PTPRD: variants seen among roughly 807,000 people sequenced by gnomAD.
PTPRD encodes protein tyrosine phosphatase receptor type D.
PTPRD carries 34 observed loss-of-function variants against 214.5 expected under a neutral mutation model. The ratio of observed to expected loss-of-function variants is 0.16; its 90% CI spans 0.12 to 0.21. The LOEUF is 0.21. PTPRD is among the 10% of genes least tolerant of loss of function. PTPRD has a pLI of 1.00. For synonymous variants in PTPRD, 1,128 were observed against 845.7 expected (o/e 1.33, Z -5.79); for missense variants, 2,545 against 2,398.7 (o/e 1.06, Z -1.27).
chr9:9,134,143 G>A (rs938907716), intron 10 of PTPRD, among the ~76,000 whole-genome samples: 1 of 139,720 alleles, frequency 7.2e-6, no homozygotes, highest in Non-Finnish European at 1.5e-5. Context: ...CGCAATCTCG[G>A]CTCACTGCAA....
chr9:10,420,263 T>G (rs1193101602), intron 2 of PTPRD, among the ~76,000 whole-genome samples: 1 of 151,878 alleles, frequency 6.6e-6, no homozygotes, highest in Non-Finnish European at 1.5e-5. Context: ...ACTCTGAGAA[T>G]TTATTCCCTC....
At chr9:10,153,710 G>T (rs1018093459) in intron 3 of PTPRD, among the ~76,000 whole-genome samples, 66 of 152,018 alleles carry the variant, frequency 4.3e-4, no homozygotes, top group African/African-American at 1.6e-3. Flanking sequence ...CCTCTGGGAG[G>T]TAACAGTGTC....
Position 9,470,660 on chromosome 9 carries a change from C to G in PTPRD, c.-236-73178G>C, listed in dbSNP as rs910720300. ...GACTGAAGTATATGGTACCAAACTT[C>G]CAATTCAAGTGAAGAAATCTACATT... On this transcript the variant is annotated intron_variant, in intron 8 of 45. Transcript: ENST00000381196. 2.6e-5 allele frequency among the ~76,000 whole-genome samples: 4 copies of G among 152,096 alleles called. No homozygotes were observed. The South Asian group carries it at 8.3e-4, about 32-fold the overall frequency.
chr9:8,370,848 T>G (rs1222079394), intron 39 of PTPRD, among the ~76,000 whole-genome samples: 1 of 152,070 alleles, frequency 6.6e-6, no homozygotes, highest in East Asian at 1.9e-4. Flanking sequence ...TTGCCACCAC[T>G]AGTAGTATGA....
At chr9:10,479,157 G>A (rs759998610) in intron 2 of PTPRD, among the ~76,000 whole-genome samples, 1 of 152,044 alleles carries the variant, frequency 6.6e-6, no homozygotes. Context: ...TTCTATACTC[G>A]TATAATTCTC....
At chr9:10,075,508 T>G (rs1441614373) in intron 3 of PTPRD, among the ~76,000 whole-genome samples, 4 of 151,962 alleles carry the variant, frequency 2.6e-5, no homozygotes, top group African/African-American at 9.7e-5. Context: ...ATAAATAATA[T>G]TTTATATTAA....
rs115552424 is a variant in PTPRD at position 8,316,293 on chromosome 9, C to T, written c.*1581G>A. 3,315 of 230,184 alleles carry T rather than the reference C, an allele frequency of 0.014. 94 individuals are homozygous for T. The highest frequency in any genetic ancestry group is 0.068 in the African/African-American group (3,052 of 45,168). 14.3% of individuals were successfully genotyped at this position (230,184 alleles called of 1,614,324 possible). ...CAGATACGAACAGTGAATGGAAATA[C>T]GAACCAAAAGCTAAAAAGAAATGCT... On this transcript the variant is annotated 3_prime_UTR_variant, in exon 46 of 46. Coordinates refer to ENST00000381196, the MANE Select transcript of PTPRD (RefSeq NM_002839.4).
At chr9:9,788,666 A>G (rs1347669594) in intron 5 of PTPRD, among the ~76,000 whole-genome samples, 1 of 152,146 alleles carries the variant, frequency 6.6e-6, no homozygotes, top group African/African-American at 2.4e-5. Context: ...CTGATACAAA[A>G]GAAAAAAATG....
intron 11 of PTPRD, among the ~76,000 whole-genome samples, chr9:8,928,542 G>A (rs536524353): frequency 4.8e-4 from 72 of 151,146 alleles, no homozygotes; most frequent in Admixed American, 3.0e-3. Context: ...TGAGGCCTCT[G>A]TTCTGGTCCG....
intron 3 of PTPRD, among the ~76,000 whole-genome samples, chr9:10,168,900 C>T (rs539876133): frequency 6.6e-6 from 1 of 152,106 alleles, no homozygotes; most frequent in Non-Finnish European, 1.5e-5. Context: ...GTAGGGCAAA[C>T]AGAATTTAAT....
At chr9:8,373,868 A>ATGTG (rs1564368154) in intron 39 of PTPRD, among the ~76,000 whole-genome samples, 9 of 78,664 alleles carry the variant, frequency 1.1e-4, no homozygotes, top group South Asian at 3.5e-4. Flanking sequence ...CTGTCTGTCT[A>ATGTG]TCTATCTATC....
chr9:10,314,020 C>G (rs1259143619), intron 3 of PTPRD, among the ~76,000 whole-genome samples: 3 of 151,838 alleles, frequency 2.0e-5, no homozygotes, highest in Admixed American at 2.0e-4. Flanking sequence ...CGTGATGATA[C>G]AGGAGTGGTA....
rs1455292879 is a variant in PTPRD at position 9,244,152 on chromosome 9, G to C, written c.-202-60789C>G. On this transcript the variant is annotated intron_variant, in intron 9 of 45. Transcript: ENST00000381196. The stretch of plus-strand genomic sequence containing the variant: ...AAATAAAAGAGGATACAAACAAATG[G>C]AAGAACATTCCATGCTCATGGATAG... Among the ~76,000 whole-genome samples the C allele has an allele frequency of 9.2e-5, 14 of 152,206 alleles. 1 individual carries two copies. In the South Asian group the frequency reaches 1.2e-3, roughly 14 times the overall value.
At chr9:10,297,440 G>C (rs1222591804) in intron 3 of PTPRD, among the ~76,000 whole-genome samples, 1 of 151,898 alleles carries the variant, frequency 6.6e-6, no homozygotes, top group East Asian at 1.9e-4. Context: ...AAAAGCAGAG[G>C]TTAGGCAAAC....
chr9:8,651,777 T>C (rs1186452195), intron 12 of PTPRD, among the ~76,000 whole-genome samples: 1 of 152,206 alleles, frequency 6.6e-6, no homozygotes, highest in Non-Finnish European at 1.5e-5. Flanking sequence ...TTGTTACCTT[T>C]TTCCAAATGG....
intron 8 of PTPRD, among the ~76,000 whole-genome samples, chr9:9,412,743 AT>A (rs1398011979): frequency 6.6e-6 from 1 of 152,100 alleles, no homozygotes; most frequent in Non-Finnish European, 1.5e-5. Flanking sequence ...CTCATGCGCC[AT>A]CCCCCAAAAG....
At chr9:10,277,760 C>A (rs1312826277) in intron 3 of PTPRD, among the ~76,000 whole-genome samples, 1 of 152,002 alleles carries the variant, frequency 6.6e-6, no homozygotes, top group Non-Finnish European at 1.5e-5. Context: ...GTCAAAGAAT[C>A]ACCTACATAG....
chr9:10,118,228 C>A (rs914830358), intron 3 of PTPRD, among the ~76,000 whole-genome samples: 2 of 150,828 alleles, frequency 1.3e-5, no homozygotes, highest in African/African-American at 4.9e-5. Context: ...ATCTATCTAT[C>A]TATCTACATA....
intron 7 of PTPRD, among the ~76,000 whole-genome samples, chr9:9,643,865 G>A (rs1025578877): frequency 1.1e-4 from 17 of 152,080 alleles, no homozygotes; most frequent in Middle Eastern, 3.4e-3. Flanking sequence ...CTTTTATTTT[G>A]GAACTGATTT....
Sources: allele counts gnomAD v4.1 joint callset (sites outside exome capture counted in the v4.1 genomes callset), GRCh38; gene constraint gnomAD v4.1.1; transcripts MANE v1.5; gene names NCBI Gene and HGNC (gene_info 2026-07-23, HGNC 2026-07-21).